The following HS6ST2 variants were observed in gnomAD, a reference collection of about 807,000 sequenced individuals.
HS6ST2 encodes the protein heparan-sulfate 6-O-sulfotransferase 2.
HS6ST2 carries 17 observed loss-of-function variants against 33.0 expected under a neutral mutation model. The observed-to-expected ratio is 0.52, with a 90% CI of 0.35 to 0.77. HS6ST2 has a LOEUF of 0.77. HS6ST2 is among the 30% of genes least tolerant of loss of function. The probability of loss-of-function intolerance (pLI) is 0.01; values close to 1 mark genes in which losing one functional copy is unlikely to be tolerated. For missense variants in HS6ST2, 519 were observed against 551.7 expected, an observed-to-expected ratio of 0.94 and a Z score of 0.59; for synonymous variants, 248 against 237.1, an observed-to-expected ratio of 1.05 and a Z score of -0.42.
intron 4 of HS6ST2, among the ~76,000 whole-genome samples, chrX:132,658,938 C>T (rs1315504060): frequency 9.0e-6 from 1 of 111,328 alleles, no homozygotes; most frequent in Non-Finnish European, 1.9e-5. Flanking sequence ...ATTAAATGAT[C>T]CAGTCAACTC....
Position 132,951,465 on chromosome X carries a change from A to C in HS6ST2, c.947+5343T>G, listed in dbSNP as rs764876694. On this transcript the variant is annotated intron_variant, in intron 2 of 4. Transcript: ENST00000370833. ...TCCTACTCCCAGAGGCCTTCTCAAA[A>C]GGATGTCTCCTTTTTCTGGCCTGTT... Among the ~76,000 whole-genome samples the C allele has an allele frequency of 4.5e-5, 5 of 111,468 alleles. No homozygotes were observed. In the East Asian group the frequency reaches 1.4e-3, roughly 32 times the overall value.
At chrX:132,823,350 T>C (rs1278782325) in intron 2 of HS6ST2, among the ~76,000 whole-genome samples, 1 of 110,967 alleles carries the variant, frequency 9.0e-6, no homozygotes, top group Non-Finnish European at 1.9e-5. Context: ...TGGTGAATTC[T>C]GAGATTTCAG....
chrX:132,845,850 T>C (rs2065746420), intron 2 of HS6ST2, among the ~76,000 whole-genome samples: 1 of 111,618 alleles, frequency 9.0e-6, no homozygotes, highest in Non-Finnish European at 1.9e-5. Flanking sequence ...GTTTATTTTC[T>C]CAGCCCCTAA....
At chrX:132,642,901 T>C (rs1289589408) in intron 4 of HS6ST2, among the ~76,000 whole-genome samples, 1 of 112,534 alleles carries the variant, frequency 8.9e-6, no homozygotes, top group Non-Finnish European at 1.9e-5. Flanking sequence ...TTTGGACAAC[T>C]GTGTTTCCCC....
Position 132,956,912 on chromosome X carries a change from G to T in HS6ST2, c.843C>A (p.Phe281Leu). ...GCAACCCGCAGCTCCAGCCCGTGGA[G>T]AACCTGGAGAAGAGCCAGGTTTCCC... ...GKRETWLFSR[F>L]STGWSCGLHA... Residue 281 changes from phenylalanine (F) to leucine (L), a missense_variant, in exon 2 of 5, where the codon TTC becomes TTA. Coordinates refer to ENST00000370833, the MANE Select transcript of HS6ST2 (RefSeq NM_001394073.1). The T allele has an allele frequency of 8.3e-7, 1 of 1,198,952 alleles. No homozygotes were observed. Among genetic ancestry groups the T allele is most frequent in the Admixed American group, 2.2e-5 (1 of 44,475 alleles).
At chrX:132,953,325 A>T (rs2067034623) in intron 2 of HS6ST2, among the ~76,000 whole-genome samples, 2 of 110,983 alleles carry the variant, frequency 1.8e-5, no homozygotes, top group Non-Finnish European at 3.8e-5. Flanking sequence ...AAGAAATATT[A>T]TTCTTAATAA....
rs2148592955 is a variant in HS6ST2 at position 132,627,949 on chromosome X, T to C, written c.*274A>G. 2 of 221,115 alleles carry C rather than the reference T, an allele frequency of 9.0e-6. No individual in the cohort carries two copies. The highest frequency in any genetic ancestry group is 1.2e-4 in the Admixed American group (2 of 16,012). The allele number at this position is 221,115 out of a possible 1,213,427, so 18.2% of individuals were successfully genotyped here. On this transcript the variant is annotated 3_prime_UTR_variant, in exon 5 of 5. Transcript: ENST00000370833. ...ACTAATTTAAGAACTTCTTAAAATA[T>C]CTAAACAGCAATTTCTGGTGAGTCT...
intron 2 of HS6ST2, among the ~76,000 whole-genome samples, chrX:132,722,885 A>C (rs1482903118): frequency 6.0e-3 from 160 of 26,609 alleles, no homozygotes; most frequent in African/African-American, 0.037. Context: ...ATAAAAAAAC[A>C]AAAAAAAAAA....
chrX:132,889,860 G>A (rs1232214002), intron 2 of HS6ST2, among the ~76,000 whole-genome samples: 1 of 111,751 alleles, frequency 8.9e-6, no homozygotes, highest in Non-Finnish European at 1.9e-5. Flanking sequence ...AACATATCTG[G>A]AGGCATCACA....
chrX:132,657,668 T>C (rs1462490185), intron 4 of HS6ST2, among the ~76,000 whole-genome samples: 1 of 107,500 alleles, frequency 9.3e-6, no homozygotes, highest in Non-Finnish European at 1.9e-5. Context: ...GGAGGAGTGA[T>C]GAGAATGATT....
At chrX:132,794,574 G>GATGATGATGATTATTATTATTATTATT (rs916088563) in intron 2 of HS6ST2, among the ~76,000 whole-genome samples, 2 of 99,097 alleles carry the variant, frequency 2.0e-5, no homozygotes, top group East Asian at 3.2e-4. Context: ...TGATGATGAT[G>GATGATGATGATTATTATTATTATTATT]ATTATTATTA....
chrX:132,814,349 A>T (rs778912090), intron 2 of HS6ST2, among the ~76,000 whole-genome samples: 28 of 111,874 alleles, frequency 2.5e-4, no homozygotes, highest in African/African-American at 9.1e-4. Flanking sequence ...CATCAGAGAG[A>T]GACTTCAGTT....
chrX:132,646,762 C>G (rs994331507), intron 4 of HS6ST2, among the ~76,000 whole-genome samples: 2 of 110,375 alleles, frequency 1.8e-5, no homozygotes, highest in African/African-American at 6.6e-5. Flanking sequence ...AAAGACATAC[C>G]CGAGACTGGG....
intron 2 of HS6ST2, among the ~76,000 whole-genome samples, chrX:132,953,754 T>C (rs748784312): frequency 9.8e-5 from 11 of 112,353 alleles, no homozygotes; most frequent in Non-Finnish European, 1.5e-4. Context: ...TCCGTTCTTC[T>C]CCCAATGGGT....
At chrX:132,890,595 C>A (rs2066299715) in intron 2 of HS6ST2, among the ~76,000 whole-genome samples, 1 of 109,624 alleles carries the variant, frequency 9.1e-6, no homozygotes. Context: ...TATATGTATT[C>A]TTTTTGGTTT....
intron 2 of HS6ST2, among the ~76,000 whole-genome samples, chrX:132,806,412 G>A (rs5977755): frequency 9.2e-6 from 1 of 108,298 alleles, no homozygotes; most frequent in African/African-American, 3.3e-5. Flanking sequence ...TCTCCACACA[G>A]AAACACACGC....
chrX:132,902,469 C>T (rs944596199), intron 2 of HS6ST2, among the ~76,000 whole-genome samples: 1 of 111,934 alleles, frequency 8.9e-6, no homozygotes, highest in Non-Finnish European at 1.9e-5. Context: ...AACAATCCTT[C>T]GGGCAGCTAC....
chrX:132,669,827 T>A (rs1469316016), intron 3 of HS6ST2: 1 of 112,519 alleles, frequency 8.9e-6, no homozygotes, highest in Admixed American at 9.4e-5. Context: ...ACGAAATAAA[T>A]CACAAGGAAG....
intron 2 of HS6ST2, among the ~76,000 whole-genome samples, chrX:132,929,382 T>C (rs2066742393): frequency 9.1e-6 from 1 of 110,244 alleles, no homozygotes; most frequent in Admixed American, 9.8e-5. Context: ...CCTACCTACT[T>C]GGGAGGCTGA....
Sources: allele counts gnomAD v4.1 joint callset (sites outside exome capture counted in the v4.1 genomes callset), GRCh38; gene constraint gnomAD v4.1.1; transcripts MANE v1.5; gene names NCBI Gene and HGNC (gene_info 2026-07-23, HGNC 2026-07-21).